The following KATNIP variants were observed in gnomAD, a reference collection of about 807,000 sequenced individuals.
KATNIP encodes katanin-interacting protein.
KATNIP carries 126 observed loss-of-function variants against 174.0 expected under a neutral mutation model. That is an observed-to-expected ratio of 0.72 (90% CI 0.63 to 0.84). The LOEUF (loss-of-function observed/expected upper bound fraction) is 0.84. KATNIP is among the 40% of genes least tolerant of loss of function. KATNIP has a pLI of 0.00. For synonymous variants in KATNIP, 810 were observed against 835.7 expected (o/e 0.97, Z 0.53); for missense variants, 1,958 against 2,109.7 (o/e 0.93, Z 1.41).
chr16:27,761,277 C>A, intron 18 of KATNIP, 136 bp from the exon 19 acceptor site: 1 of 863,058 alleles, frequency 1.2e-6, no homozygotes, highest in Non-Finnish European at 1.7e-6. Context: ...CCACAGAGCC[C>A]ACCTGCAAGG....
In KATNIP at chr16:27,766,384, T is replaced by G; in HGVS notation, c.3885T>G (p.His1295Gln). ...TCCCCTTCTCGCCGGGGCTGGACCA[T>G]GTGGTCACGATCCGCCTGGACAGGG... ...WLIPFSPGLD[H>Q]VVTIRLDRAE... The change falls in exon 20 of 28, where the codon CAT (histidine) becomes CAG (glutamine). Residue 1295 changes from histidine to glutamine, a missense_variant. His to Gln is a conservative substitution (Grantham distance 24, BLOSUM62 0). Transcript: ENST00000261588. 1 of 1,614,136 alleles carries G rather than the reference T, an allele frequency of 6.2e-7. No homozygotes were observed. Among genetic ancestry groups the G allele is most frequent in the South Asian group, 1.1e-5 (1 of 91,088 alleles).
intron 2 of KATNIP, among the ~76,000 whole-genome samples, chr16:27,583,237 A>G (rs1438026350): frequency 6.6e-6 from 1 of 152,230 alleles, no homozygotes; most frequent in African/African-American, 2.4e-5. Flanking sequence ...GAGAGCTGCA[A>G]TTTGTGACCA....
At chr16:27,635,174 A>G (rs1264095010) in intron 5 of KATNIP, among the ~76,000 whole-genome samples, 1 of 152,262 alleles carries the variant, frequency 6.6e-6, no homozygotes, top group Non-Finnish European at 1.5e-5. Context: ...TCAGAAATCT[A>G]TAAGGAATAA....
intron 1 of KATNIP, among the ~76,000 whole-genome samples, chr16:27,552,771 C>T (rs539144705): frequency 2.2e-4 from 33 of 147,140 alleles, no homozygotes; most frequent in Non-Finnish European, 4.2e-4. Flanking sequence ...CTCGGCTCAC[C>T]GCAACCTCCG....
intron 2 of KATNIP, among the ~76,000 whole-genome samples, chr16:27,596,955 A>C: frequency 6.6e-6 from 1 of 151,624 alleles, no homozygotes; most frequent in Non-Finnish European, 1.5e-5. Flanking sequence ...CCCGGAAGAC[A>C]GAGGTTGCAG....
intron 6 of KATNIP, among the ~76,000 whole-genome samples, chr16:27,656,477 G>T (rs972340395): frequency 2.6e-5 from 4 of 151,090 alleles, no homozygotes; most frequent in Admixed American, 1.3e-4. Context: ...GAGACAAAGG[G>T]CACTGTTTCA....
chr16:27,608,186 T>C (rs1332636851), intron 2 of KATNIP, among the ~76,000 whole-genome samples: 3 of 152,034 alleles, frequency 2.0e-5, no homozygotes, highest in Non-Finnish European at 2.9e-5. Context: ...AGTTTTTTTT[T>C]CCCCTAGAGA....
intron 2 of KATNIP, among the ~76,000 whole-genome samples, chr16:27,599,507 C>T (rs1466865875): frequency 6.6e-6 from 1 of 152,248 alleles, no homozygotes; most frequent in Admixed American, 6.5e-5. Flanking sequence ...AATGGTGCCC[C>T]GTCCCTCCAA....
rs990471064 is a variant in KATNIP at position 27,778,857 on chromosome 16, CAG to C, written c.*229_*230del. ...ATCCCCTGCAGTTCTGGGTTGGCCA[CAG>C]GGAGCCCAGGACACCCGCCTTCATG... is the stretch of plus-strand genomic sequence containing the variant. On this transcript the variant is annotated 3_prime_UTR_variant, in exon 28 of 28. Transcript: ENST00000261588. 4.6e-5 allele frequency: 22 copies of C among 477,516 alleles called. No individual in the cohort carries two copies. The highest frequency in any genetic ancestry group is 7.4e-5 in the Non-Finnish European group (20 of 272,010). 29.6% of individuals were successfully genotyped at this position (477,516 alleles called of 1,614,324 possible).
rs1273628615 is a variant in KATNIP, at chr16:27,776,139, C to G, written c.4450-789C>G. 6.6e-6 allele frequency among the ~76,000 whole-genome samples: 1 copy of G among 152,134 alleles called. No individual in the cohort carries two copies. Among genetic ancestry groups the G allele is most frequent in the Non-Finnish European group, 1.5e-5 (1 of 68,036 alleles). On this transcript the variant is annotated intron_variant, in intron 24 of 27. Transcript: ENST00000261588. The surrounding 1 kb of genome is among the most constrained non-coding windows in gnomAD (Gnocchi z 4.7). The stretch of plus-strand genomic sequence containing the variant: ...CTGAGTTTGGAGACCCTCACCCTGA[C>G]CTTTATTGTTTCCATGGTCCAGCCA...
intron 2 of KATNIP, among the ~76,000 whole-genome samples, chr16:27,581,826 AGT>A (rs2090711814): frequency 6.6e-6 from 1 of 152,170 alleles, no homozygotes; most frequent in African/African-American, 2.4e-5. Flanking sequence ...CCCACTTGTA[AGT>A]GAAAACACAC....
At chr16:27,557,755 G>T (rs1163907844) in intron 1 of KATNIP, among the ~76,000 whole-genome samples, 1 of 152,100 alleles carries the variant, frequency 6.6e-6, no homozygotes, top group Non-Finnish European at 1.5e-5. Context: ...ATCAGAGCTT[G>T]CACAAGTGGG....
At chr16:27,734,602 C>T (rs769734074) in intron 14 of KATNIP, among the ~76,000 whole-genome samples, 9 of 152,078 alleles carry the variant, frequency 5.9e-5, no homozygotes, top group Non-Finnish European at 1.2e-4. Context: ...GAGGCTGAGG[C>T]ACGAGAATCG....
chr16:27,750,368 G>A, intron 16 of KATNIP, 62 bp downstream of exon 16: 1 of 1,514,016 alleles, frequency 6.6e-7, no homozygotes, highest in South Asian at 1.3e-5. Flanking sequence ...AGAGTCTATG[G>A]GAAAAAACAG....
intron 23 of KATNIP, among the ~76,000 whole-genome samples, chr16:27,774,432 C>T (rs891532654): frequency 1.1e-4 from 17 of 152,126 alleles, no homozygotes; most frequent in African/African-American, 3.4e-4. Context: ...GACTTGCCCA[C>T]GCCCTCACAG....
At chr16:27,616,023 C>T (rs2076025005) in intron 2 of KATNIP, among the ~76,000 whole-genome samples, 1 of 152,124 alleles carries the variant, frequency 6.6e-6, no homozygotes, top group Admixed American at 6.5e-5. Flanking sequence ...AACTTGGGAC[C>T]AGTACCAAGC....
chr16:27,582,499 GTC>G (rs931751646), intron 2 of KATNIP, among the ~76,000 whole-genome samples: 4 of 152,132 alleles, frequency 2.6e-5, no homozygotes, highest in Non-Finnish European at 5.9e-5. Context: ...TGAGGTCTTG[GTC>G]TCTCTGCAGC....
chr16:27,606,205 C>T (rs555617513), intron 2 of KATNIP, among the ~76,000 whole-genome samples: 3 of 152,304 alleles, frequency 2.0e-5, no homozygotes, highest in Admixed American at 6.5e-5. Flanking sequence ...GGCTCCACAG[C>T]GCTGGGACAC....
intron 6 of KATNIP, among the ~76,000 whole-genome samples, chr16:27,655,590 T>A (rs540582795): frequency 5.9e-5 from 9 of 152,124 alleles, no homozygotes; most frequent in Non-Finnish European, 1.2e-4. Flanking sequence ...GACTTAATGA[T>A]GTTACATTTA....
Sources: allele counts gnomAD v4.1 joint callset (sites outside exome capture counted in the v4.1 genomes callset), GRCh38; gene constraint gnomAD v4.1.1; non-coding constraint Gnocchi (gnomAD v3.1); transcripts MANE v1.5; gene names NCBI Gene and HGNC (gene_info 2026-07-23, HGNC 2026-07-21).